Variants in UBE3C observed in about 807,000 individuals in gnomAD.
UBE3C encodes the protein ubiquitin protein ligase E3C.
A neutral mutation model predicts 129.4 loss-of-function variants in UBE3C; 42 were observed. The ratio of observed to expected loss-of-function variants is 0.32; its 90% confidence interval spans 0.25 to 0.42. The LOEUF (loss-of-function observed/expected upper bound fraction) is 0.42, where lower values mean the gene tolerates loss of function less well. Ranked by LOEUF, UBE3C falls within the 10% of genes least tolerant of loss-of-function variation. UBE3C has a pLI of 1.00. For missense variants in UBE3C, 1,049 were observed against 1,319.1 expected (o/e 0.80, Z 3.17); for synonymous variants, 510 against 492.4 (o/e 1.04, Z -0.47).
intron 10 of UBE3C, among the ~76,000 whole-genome samples, chr7:157,195,751 A>T (rs890582074): frequency 1.3e-5 from 2 of 152,212 alleles, no homozygotes; most frequent in African/African-American, 2.4e-5. Context: ...TGAGACTCAG[A>T]TAAGATTTTG....
rs151109095 is a variant in UBE3C at position 157,180,086 on chromosome 7, C to T, written c.616+1239C>T. 3.0e-3 allele frequency among the ~76,000 whole-genome samples: 453 copies of T among 152,230 alleles called. 3 individuals are homozygous for T. Among genetic ancestry groups the T allele is most frequent in the African/African-American group, 0.01 (428 of 41,556 alleles). On this transcript the variant is annotated intron_variant, in intron 6 of 22. Coordinates refer to ENST00000348165, the MANE Select transcript of UBE3C (RefSeq NM_014671.3). The stretch of plus-strand genomic sequence containing the variant: ...ATTATTTGAAATGTGTCCCAATATA[C>T]GAAATGCTTAAAAATCTTACACAGA...
intron 17 of UBE3C, among the ~76,000 whole-genome samples, chr7:157,230,712 A>C (rs1186603081): frequency 7.7e-4 from 32 of 41,340 alleles, no homozygotes; most frequent in Admixed American, 1.2e-3. Context: ...AAAAAAAAAA[A>C]AACCTCCTAA....
chr7:157,248,041 C>G (rs1322358627), intron 18 of UBE3C, among the ~76,000 whole-genome samples: 1 of 152,194 alleles, frequency 6.6e-6, no homozygotes, highest in Non-Finnish European at 1.5e-5. Context: ...CCTGCAGTTC[C>G]TGAAGGATTC....
chr7:157,189,535 A>G (rs1808896467), intron 10 of UBE3C, among the ~76,000 whole-genome samples: 1 of 152,178 alleles, frequency 6.6e-6, no homozygotes, highest in South Asian at 2.1e-4. Flanking sequence ...TTTAGTGGGT[A>G]CTGTTTCAGA....
At chr7:157,202,148 T>C (rs59596464) in intron 11 of UBE3C, among the ~76,000 whole-genome samples, 7,153 of 152,276 alleles carry the variant, frequency 0.047, 416 homozygotes, top group African/African-American at 0.14. Flanking sequence ...TGAAGTAAAT[T>C]AAAGACTGCT....
chr7:157,186,944 C>A lies in UBE3C; in HGVS notation c.1254C>A (p.Ser418Arg). Residue 418 changes from serine (S) to arginine (R), a missense_variant, in exon 10 of 23, where the codon AGC (serine) becomes AGA (arginine). Physicochemically the swap from Ser to Arg is moderately radical, Grantham distance 110. Around this residue, in one of 4 missense-constraint regions of UBE3C, gnomAD observed 489 missense variants for 513.8 expected, o/e 0.95. Coordinates refer to ENST00000348165, the MANE Select transcript of UBE3C (RefSeq NM_014671.3). ...LLNLVWRDSA[S>R]EEVFTTMASV... is the part of the protein sequence containing the mutation. Reference sequence around the variant, plus strand: ...ACCTGGTGTGGAGGGACTCTGCGAGCGAGGAGGTCTTCACCACCATGGCCT... The same window carrying A: ...ACCTGGTGTGGAGGGACTCTGCGAGAGAGGAGGTCTTCACCACCATGGCCT... 1 of 1,613,788 alleles carries A rather than the reference C, an allele frequency of 6.2e-7. No homozygotes were observed. Among genetic ancestry groups the A allele is most frequent in the Non-Finnish European group, 8.5e-7 (1 of 1,179,884 alleles).
At chr7:157,191,098 A>G (rs1438086981) in intron 10 of UBE3C, among the ~76,000 whole-genome samples, 1 of 152,178 alleles carries the variant, frequency 6.6e-6, no homozygotes. Flanking sequence ...CATAAATCAT[A>G]AGACACCTAG....
chr7:157,194,838 T>C (rs1809073452), intron 10 of UBE3C, among the ~76,000 whole-genome samples: 1 of 152,196 alleles, frequency 6.6e-6, no homozygotes, highest in African/African-American at 2.4e-5. Flanking sequence ...ATGACTTCAG[T>C]ATTAGCTGAG....
At position 157,267,950 on chromosome 7, in the gene UBE3C, G is replaced by C; in HGVS notation, c.*195G>C. 1 of 477,330 alleles carries C rather than the reference G, an allele frequency of 2.1e-6. No homozygotes were observed. The highest frequency in any genetic ancestry group is 3.7e-5 in the East Asian group (1 of 27,394). The allele number at this position is 477,330 out of a possible 1,614,324, so 29.6% of individuals were successfully genotyped here. A position where few individuals can be genotyped will look rare whatever the true frequency, so the allele number is the denominator to read the frequency against. ...GTGGTCACTTATTTAGATGGACATT[G>C]CTTTTCAAATAACTTAAAATAACAC... is the stretch of plus-strand genomic sequence containing the variant. On this transcript the variant is annotated 3_prime_UTR_variant, in exon 23 of 23. Transcript: ENST00000348165.
chr7:157,222,950 GC>G, intron 15 of UBE3C: 1 of 257,654 alleles, frequency 3.9e-6, no homozygotes, highest in South Asian at 5.2e-5. Context: ...CTGCATTCGG[GC>G]CTCACCGCCA....
chr7:157,171,767 C>T (rs546590002), intron 4 of UBE3C, among the ~76,000 whole-genome samples: 1 of 127,394 alleles, frequency 7.8e-6, no homozygotes, highest in Non-Finnish European at 1.6e-5. Flanking sequence ...AATGCAGTGG[C>T]ATCATCTCGG....
rs1807467868 is a variant in UBE3C, at chr7:157,142,026, A to G, written c.66+2688A>G. ...TCGCACGCCCACAGCATCTGAAGGT[A>G]TCCAGGTTTCCACATCCTTGCCAAC... On this transcript the variant is annotated intron_variant, in intron 1 of 22. Transcript: ENST00000348165. 2.0e-5 allele frequency among the ~76,000 whole-genome samples: 3 copies of G among 152,220 alleles called. No individual in the cohort carries two copies. In the South Asian group the frequency reaches 6.2e-4, roughly 31 times the overall value.
intron 13 of UBE3C, among the ~76,000 whole-genome samples, chr7:157,210,003 A>G (rs985215246): frequency 6.6e-6 from 1 of 152,126 alleles, no homozygotes; most frequent in South Asian, 2.1e-4. Flanking sequence ...AGATGGTGAA[A>G]CCCCATCTCT....
At chr7:157,172,802 A>C (rs1808414040) in intron 4 of UBE3C, among the ~76,000 whole-genome samples, 1 of 152,182 alleles carries the variant, frequency 6.6e-6, no homozygotes. Flanking sequence ...TGTAGATTAC[A>C]AGATCACCAA....
chr7:157,182,738 C>A (rs1434997807), intron 8 of UBE3C, among the ~76,000 whole-genome samples: 1 of 151,658 alleles, frequency 6.6e-6, no homozygotes, highest in East Asian at 1.9e-4. Context: ...AATGTGAAAA[C>A]CAAACTTTTG....
intron 22 of UBE3C, among the ~76,000 whole-genome samples, chr7:157,262,316 A>G (rs941553375): frequency 6.6e-6 from 1 of 150,402 alleles, no homozygotes; most frequent in African/African-American, 2.4e-5. Flanking sequence ...CACATATTAT[A>G]TGCCACATAT....
At chr7:157,144,607 A>G (rs1252347817) in intron 1 of UBE3C, among the ~76,000 whole-genome samples, 1 of 152,178 alleles carries the variant, frequency 6.6e-6, no homozygotes, top group Non-Finnish European at 1.5e-5. Flanking sequence ...GACCGGAGGA[A>G]CTGAAATTTT....
intron 18 of UBE3C, 148 bp downstream of exon 18, chr7:157,231,475 A>G (rs1183282398): frequency 8.3e-7 from 1 of 1,197,756 alleles, no homozygotes. Context: ...CACGAAACAA[A>G]TTTGTATGGT....
At chr7:157,149,060 T>C (rs74920287) in intron 1 of UBE3C, among the ~76,000 whole-genome samples, 15,470 of 152,076 alleles carry the variant, frequency 0.1, 899 homozygotes, top group African/African-American at 0.14. Context: ...TTAAGAATTC[T>C]TTTTTTGTTT....
Sources: gnomAD v4.1 joint callset for allele counts (sites outside exome capture counted in the v4.1 genomes callset) on GRCh38, gnomAD v4.1.1 for gene constraint, gnomAD v4.1.1 regional missense constraint, MANE v1.5 for transcripts, NCBI Gene and HGNC (gene_info 2026-07-23, HGNC 2026-07-21) for gene names.